The following SIAE variants were observed in gnomAD, a reference collection of about 807,000 sequenced individuals.
SIAE encodes sialate O-acetylesterase.
In SIAE, 39 loss-of-function variants were observed where a neutral mutation model predicts 52.6. The ratio of observed to expected loss-of-function variants is 0.74; its 90% CI spans 0.57 to 0.97. The LOEUF (loss-of-function observed/expected upper bound fraction) is 0.97, where lower values mean the gene tolerates loss of function less well. Among genes scored for constraint, SIAE ranks in the 50% least tolerant of loss-of-function variants. The probability of loss-of-function intolerance (pLI) is 0.00; values close to 1 mark genes in which losing one functional copy is unlikely to be tolerated. For synonymous variants in SIAE, 233 were observed against 241.4 expected (o/e 0.97, Z 0.32); for missense variants, 592 against 662.1 (o/e 0.89, Z 1.16).
At chr11:124,653,624 A>G (rs1401537659) in intron 4 of SIAE, among the ~76,000 whole-genome samples, 1 of 152,244 alleles carries the variant, frequency 6.6e-6, no homozygotes, top group Non-Finnish European at 1.5e-5. Context: ...AGCAGAAGCC[A>G]GGTGACAAAG....
At chr11:124,669,117 T>G (rs1428126325) in intron 2 of SIAE, among the ~76,000 whole-genome samples, 1 of 152,222 alleles carries the variant, frequency 6.6e-6, no homozygotes. Flanking sequence ...CCTATATAAC[T>G]TGGTATCTAT....
At chr11:124,651,432 C>T (rs1943014622) in intron 4 of SIAE, among the ~76,000 whole-genome samples, 2 of 151,878 alleles carry the variant, frequency 1.3e-5, no homozygotes, top group African/African-American at 4.8e-5. Context: ...CCTTTAATCC[C>T]AGCTGCCTAG....
At chr11:124,644,618 C>T (rs763600527) in intron 7 of SIAE, among the ~76,000 whole-genome samples, 1 of 152,186 alleles carries the variant, frequency 6.6e-6, no homozygotes, top group African/African-American at 2.4e-5. Flanking sequence ...AATACTGCGG[C>T]TAATAAAGGC....
chr11:124,638,488 A>G (rs1392922322), intron 9 of SIAE, 54 bp downstream of exon 9: 9 of 1,588,144 alleles, frequency 5.7e-6, no homozygotes, highest in Non-Finnish European at 7.8e-6. Context: ...AGTGCGGAGG[A>G]AATCTTGACT....
At chr11:124,648,014 A>T in intron 6 of SIAE, 52 bp downstream of exon 6, 1 of 1,395,642 alleles carries the variant, frequency 7.2e-7, no homozygotes, top group South Asian at 1.2e-5. Flanking sequence ...GTGCTGTGTT[A>T]TACAGCAAAC....
intron 4 of SIAE, among the ~76,000 whole-genome samples, chr11:124,652,991 A>AT (rs1943039017): frequency 6.6e-6 from 1 of 152,244 alleles, no homozygotes; most frequent in Non-Finnish European, 1.5e-5. Context: ...ATAACAAGGC[A>AT]TAATACATTA....
chr11:124,636,701 C>T lies in SIAE; in HGVS notation c.*250G>A, dbSNP rs1357481935. On this transcript the variant is annotated 3_prime_UTR_variant, in exon 10 of 10. Transcript: ENST00000263593. Reference sequence around the variant, plus strand: ...GAGGGAAGTAAATGACATTGAGGTCCAATTTGTCTGTAGTTCAGAATTAGT... The same window carrying T: ...GAGGGAAGTAAATGACATTGAGGTCTAATTTGTCTGTAGTTCAGAATTAGT... The T allele has an allele frequency of 3.7e-6, 2 of 543,558 alleles. No homozygotes were observed. Among genetic ancestry groups the T allele is most frequent in the East Asian group, 3.2e-5 (1 of 31,042 alleles). The allele number at this position is 543,558 out of a possible 1,614,324, so 33.7% of individuals were successfully genotyped here. A position where few individuals can be genotyped will look rare whatever the true frequency, so the allele number is the denominator to read the frequency against.
At chr11:124,654,524 A>G in intron 4 of SIAE, 131 bp downstream of exon 4, 1 of 1,591,024 alleles carries the variant, frequency 6.3e-7, no homozygotes, top group Non-Finnish European at 8.5e-7. Context: ...AAGGATGAAG[A>G]GTCAATAAGA....
At chr11:124,640,971 C>A (rs1413510785) in intron 7 of SIAE, among the ~76,000 whole-genome samples, 1 of 152,200 alleles carries the variant, frequency 6.6e-6, no homozygotes, top group Non-Finnish European at 1.5e-5. Context: ...CCAAATCACC[C>A]AAACCCCAGC....
rs767031684 is a variant in SIAE, at chr11:124,649,721, A to T, written c.620T>A (p.Leu207Gln). Residue 207 changes from leucine to glutamine, a missense_variant, in exon 5 of 10, where the codon CTG becomes CAG. Coordinates refer to ENST00000263593, the MANE Select transcript of SIAE (RefSeq NM_170601.5). ...WLFGRHLYDT[L>Q]QYPIGLIASS... ...GGCGATCAGCCCGATGGGATACTGC[A>T]GAGTGTCATAAAGGTGACGTCCAAA... is the stretch of plus-strand genomic sequence containing the variant. The T allele has an allele frequency of 1.2e-5, 20 of 1,614,110 alleles. No individual in the cohort carries two copies. The highest frequency in any genetic ancestry group is 1.7e-5 in the Non-Finnish European group (20 of 1,180,046).
At position 124,654,755 on chromosome 11, in the gene SIAE, T is replaced by C. The variant is rs151283835; in HGVS notation, c.444A>G (p.Ala148=). The part of the protein sequence containing the change: ...NATRELSNTA[A]YQSVRILSVS... ...CAGAGAGGATGCGGACAGACTGATA[T>C]GCCGCAGTGTTAGACAACTCCCTTG... is the stretch of plus-strand genomic sequence containing the variant. Residue 148 remains alanine (A), a synonymous_variant, in exon 4 of 10, where the codon GCA becomes GCG. Coordinates refer to ENST00000263593, the MANE Select transcript of SIAE (RefSeq NM_170601.5). 2.5e-6 allele frequency: 4 copies of C among 1,613,944 alleles called. No homozygotes were observed. Among genetic ancestry groups the C allele is most frequent in the Non-Finnish European group, 3.4e-6 (4 of 1,180,026 alleles).
In SIAE at chr11:124,637,031, TG is replaced by T; in HGVS notation, c.1491del (p.Ser498ValfsTer35). Reference sequence around the variant, plus strand: ...AAGGGAGGGGCTGGCAGGGCACTACTGGGGTGGTATAGGGGACACTGCTTAT... The same window carrying T: ...AAGGGAGGGGCTGGCAGGGCACTACTGGGTGGTATAGGGGACACTGCTTAT... ...CEYKQCPLYH[P>X]SSALPAPPFI... is the part of the protein sequence containing the mutation. On this transcript the variant is annotated frameshift_variant, in exon 10 of 10. Coordinates refer to ENST00000263593, the MANE Select transcript of SIAE (RefSeq NM_170601.5). LOFTEE classifies it low-confidence loss of function (END_TRUNC). 1 of 1,614,122 alleles carries T rather than the reference TG, an allele frequency of 6.2e-7. No individual in the cohort carries two copies. The highest frequency in any genetic ancestry group is 8.5e-7 in the Non-Finnish European group (1 of 1,180,012).
At chr11:124,660,399 T>C (rs1489010762) in intron 3 of SIAE, 3 of 615,982 alleles carry the variant, frequency 4.9e-6, no homozygotes, top group South Asian at 3.2e-5. Flanking sequence ...TCTTAACCTA[T>C]ATAGAATACA....
At chr11:124,673,366 T>C (rs532495805) in intron 1 of SIAE, among the ~76,000 whole-genome samples, 1 of 152,124 alleles carries the variant, frequency 6.6e-6, no homozygotes, top group Non-Finnish European at 1.5e-5. Context: ...CTGGGCACAT[T>C]TGGGCCTCCC....
intron 7 of SIAE, among the ~76,000 whole-genome samples, chr11:124,642,655 G>A (rs887426516): frequency 1.3e-5 from 2 of 152,202 alleles, no homozygotes; most frequent in African/African-American, 4.8e-5. Flanking sequence ...TGTGGTAGGG[G>A]GAACTCGTAA....
chr11:124,643,151 C>T (rs942274244), intron 7 of SIAE, among the ~76,000 whole-genome samples: 2 of 152,194 alleles, frequency 1.3e-5, no homozygotes, highest in African/African-American at 4.8e-5. Flanking sequence ...AAAACTAAAA[C>T]AGCAGGAAAA....
Position 124,654,173 on chromosome 11 carries a change from G to A in SIAE, c.544+482C>T, listed in dbSNP as rs146282279. On this transcript the variant is annotated intron_variant, in intron 4 of 9. Coordinates refer to ENST00000263593, the MANE Select transcript of SIAE (RefSeq NM_170601.5). The stretch of plus-strand genomic sequence containing the variant: ...AGCCTGAGCGACAGACTGAGACTCC[G>A]TCTCAAAAAAAAGAAAAAGAAAAAA... The A allele has an allele frequency of 3.7e-5, 36 of 963,842 alleles. No individual in the cohort carries two copies. The East Asian group carries it at 1.4e-3, about 37-fold the overall frequency. The allele number at this position is 963,842 out of a possible 1,614,324, so 59.7% of individuals were successfully genotyped here. A position where few individuals can be genotyped will look rare whatever the true frequency, so the allele number is the denominator to read the frequency against.
intron 7 of SIAE, among the ~76,000 whole-genome samples, chr11:124,642,650 T>C (rs1287299500): frequency 1.3e-5 from 2 of 152,194 alleles, no homozygotes; most frequent in Non-Finnish European, 2.9e-5. Context: ...CTCTTTGTGG[T>C]AGGGGGAACT....
Position 124,636,950 on chromosome 11 carries a change from G to GTC in SIAE, c.1571_1572dup, listed in dbSNP as rs771917422. ...TCTAAGTTCTGATCATACTGAAACAGTCATTTAGCAACATTGCTCTGATGT... is the reference window on the plus strand; with the variant it reads ...TCTAAGTTCTGATCATACTGAAACAGTCTCATTTAGCAACATTGCTCTGATGT... On this transcript the variant is annotated 3_prime_UTR_variant, in exon 10 of 10. Coordinates refer to ENST00000263593, the MANE Select transcript of SIAE (RefSeq NM_170601.5). 2.0e-5 allele frequency: 32 copies of GTC among 1,614,056 alleles called. 1 individual carries two copies. Among genetic ancestry groups the GTC allele is most frequent in the Admixed American group, 5.0e-5 (3 of 60,002 alleles).
Sources: gnomAD v4.1 joint callset for allele counts (sites outside exome capture counted in the v4.1 genomes callset) on GRCh38, gnomAD v4.1.1 for gene constraint, MANE v1.5 for transcripts, NCBI Gene and HGNC (gene_info 2026-07-23, HGNC 2026-07-21) for gene names.